Variants in C8orf34 observed in about 807,000 individuals in gnomAD.
C8orf34 encodes the protein uncharacterized protein C8orf34.
In C8orf34, 65 loss-of-function variants were observed where a neutral mutation model predicts 68.3. The ratio of observed to expected loss-of-function variants is 0.95; its 90% CI spans 0.78 to 1.17. The LOEUF (loss-of-function observed/expected upper bound fraction) is 1.17, where lower values mean the gene tolerates loss of function less well. Ranked by LOEUF, C8orf34 falls within the 50% of genes most tolerant of loss-of-function variation. The pLI is 0.00. For synonymous variants in C8orf34, 244 were observed against 241.2 expected (o/e 1.01, Z -0.11); for missense variants, 664 against 655.4 (o/e 1.01, Z -0.14).
rs1180674734 is a variant in C8orf34, at chr8:68,597,430, GT to G, written c.1106-42939del. The stretch of plus-strand genomic sequence containing the variant: ...CTTCTTAACAAAGGACCTCATCTGT[GT>G]TTTTTTAGAAAAGTGTTTAAATTAG... On this transcript the variant is annotated intron_variant, in intron 7 of 13. Coordinates refer to ENST00000518698, the MANE Select transcript of C8orf34 (RefSeq NM_052958.4). Among the ~76,000 whole-genome samples, 4 of 151,996 alleles carry G rather than the reference GT, an allele frequency of 2.6e-5. No individual in the cohort carries two copies. The South Asian group carries it at 6.2e-4, about 24-fold the overall frequency.
chr8:68,478,999 G>T (rs1305106564), intron 4 of C8orf34, among the ~76,000 whole-genome samples: 2 of 152,064 alleles, frequency 1.3e-5, no homozygotes, highest in East Asian at 3.9e-4. Context: ...GTGACTGGGG[G>T]CTTATTTTAT....
At chr8:68,738,348 G>T (rs958852925) in intron 10 of C8orf34, among the ~76,000 whole-genome samples, 2 of 151,978 alleles carry the variant, frequency 1.3e-5, no homozygotes, top group Non-Finnish European at 2.9e-5. Context: ...TGAAAAGTTA[G>T]AAAGATCTCA....
intron 4 of C8orf34, among the ~76,000 whole-genome samples, chr8:68,478,979 TTAG>T (rs1812741234): frequency 6.6e-6 from 1 of 152,200 alleles, no homozygotes; most frequent in Non-Finnish European, 1.5e-5. Flanking sequence ...GTTATTGTCA[TTAG>T]TTGTCTGTGA....
At position 68,555,428 on chromosome 8, in the gene C8orf34, A is replaced by G. The variant is rs1586367574; in HGVS notation, c.1105+22279A>G. Among the ~76,000 whole-genome samples the G allele has an allele frequency of 2.0e-5, 3 of 152,094 alleles. No individual in the cohort carries two copies. In the South Asian group the frequency reaches 6.2e-4, roughly 31 times the overall value. ...TTTATCTTTTACCCTGGTGAGATTC[A>G]TGCATTCTACTTACATTCTTTAACT... On this transcript the variant is annotated intron_variant, in intron 7 of 13. Coordinates refer to ENST00000518698, the MANE Select transcript of C8orf34 (RefSeq NM_052958.4).
chr8:68,743,098 G>T (rs572523471), intron 10 of C8orf34, among the ~76,000 whole-genome samples: 1 of 152,218 alleles, frequency 6.6e-6, no homozygotes, highest in South Asian at 2.1e-4. Context: ...TTGAATTTAA[G>T]TCCAGCTCTC....
intron 1 of C8orf34, among the ~76,000 whole-genome samples, chr8:68,332,351 T>TCCCGCATTGCCCCCGCCTTGCC (rs1805654250): frequency 9.4e-6 from 1 of 105,906 alleles, no homozygotes; most frequent in African/African-American, 3.8e-5. Flanking sequence ...GTCGAGGTGC[T>TCCCGCATTGCCCCCGCCTTGCC]CCCGCCTTGC....
intron 8 of C8orf34, among the ~76,000 whole-genome samples, chr8:68,677,860 G>A (rs1820240896): frequency 6.6e-6 from 1 of 152,148 alleles, no homozygotes; most frequent in African/African-American, 2.4e-5. Context: ...AACAAAAGGA[G>A]TGACAACCCA....
chr8:68,449,311 C>T (rs1811247089), intron 3 of C8orf34, among the ~76,000 whole-genome samples: 1 of 152,054 alleles, frequency 6.6e-6, no homozygotes, highest in Admixed American at 6.6e-5. Flanking sequence ...ATTAACCATC[C>T]TAAAATGTAC....
At chr8:68,706,276 C>A (rs891272357) in intron 8 of C8orf34, among the ~76,000 whole-genome samples, 2 of 152,132 alleles carry the variant, frequency 1.3e-5, no homozygotes, top group African/African-American at 4.8e-5. Context: ...GGAGCTGAGA[C>A]AATGAGTCCC....
chr8:68,794,223 G>A lies in C8orf34; in HGVS notation c.1549+6687G>A, dbSNP rs1824098001. ...GTCTCACTCTGTCACCCAGACTGGA[G>A]TGCAGGGGGGCAATCACAGCTCACT... On this transcript the variant is annotated intron_variant, in intron 12 of 13. Transcript: ENST00000518698. 4.0e-5 allele frequency among the ~76,000 whole-genome samples: 6 copies of A among 151,356 alleles called. No homozygotes were observed. In the South Asian group the frequency reaches 1.3e-3, roughly 32 times the overall value.
rs901854052 is a variant in C8orf34, at chr8:68,735,906, G to A, written c.1404+14469G>A. On this transcript the variant is annotated intron_variant, in intron 10 of 13. Coordinates refer to ENST00000518698, the MANE Select transcript of C8orf34 (RefSeq NM_052958.4). ...CCCAATTTAAATTCTGTCTTTGAAG[G>A]CTGATTCTAAAGAATGTAGTTCGTT... Among the ~76,000 whole-genome samples, 188 of 151,978 alleles carry A rather than the reference G, an allele frequency of 1.2e-3. 3 individuals are homozygous for A. Among genetic ancestry groups the A allele is most frequent in the Non-Finnish European group, 1.6e-4 (11 of 68,002 alleles).
At chr8:68,467,867 A>G (rs1308018215) in intron 3 of C8orf34, among the ~76,000 whole-genome samples, 3 of 151,848 alleles carry the variant, frequency 2.0e-5, no homozygotes, top group Non-Finnish European at 4.4e-5. Flanking sequence ...TTGATTTGCT[A>G]TTTTTGCCCC....
At chr8:68,458,249 C>T (rs930574422) in intron 3 of C8orf34, among the ~76,000 whole-genome samples, 4 of 152,128 alleles carry the variant, frequency 2.6e-5, no homozygotes, top group African/African-American at 9.7e-5. Flanking sequence ...ATATAATTTT[C>T]CCAAAACTCA....
intron 1 of C8orf34, among the ~76,000 whole-genome samples, chr8:68,416,134 T>C (rs950027822): frequency 2.6e-5 from 4 of 152,206 alleles, no homozygotes; most frequent in African/African-American, 9.6e-5. Context: ...TTTTATAGAC[T>C]TTGGGTTCTA....
At chr8:68,648,154 G>A (rs1027766804) in intron 8 of C8orf34, among the ~76,000 whole-genome samples, 2 of 152,118 alleles carry the variant, frequency 1.3e-5, no homozygotes, top group Non-Finnish European at 2.9e-5. Context: ...ACTTATAGAA[G>A]ATTCCACAAA....
intron 7 of C8orf34, among the ~76,000 whole-genome samples, chr8:68,634,186 A>G (rs915320451): frequency 6.6e-6 from 1 of 152,210 alleles, no homozygotes; most frequent in African/African-American, 2.4e-5. Flanking sequence ...GTCCTTGATG[A>G]TAAGAATGTT....
At chr8:68,365,154 G>A (rs1211215427) in intron 1 of C8orf34, among the ~76,000 whole-genome samples, 1 of 138,160 alleles carries the variant, frequency 7.2e-6, no homozygotes, top group Admixed American at 7.3e-5. Flanking sequence ...AGAAGAAATG[G>A]ATAAATTCCT....
intron 11 of C8orf34, among the ~76,000 whole-genome samples, chr8:68,777,667 T>G (rs1823560018): frequency 6.6e-6 from 1 of 152,188 alleles, no homozygotes; most frequent in Non-Finnish European, 1.5e-5. Context: ...ATATGCATCT[T>G]AAAAGTGCCA....
At chr8:68,806,939 C>A (rs977878014) in intron 12 of C8orf34, among the ~76,000 whole-genome samples, 4 of 152,186 alleles carry the variant, frequency 2.6e-5, no homozygotes, top group Non-Finnish European at 4.4e-5. Context: ...GCTGGAGATA[C>A]ACTTGCAAGA....
Sources: allele counts gnomAD v4.1 joint callset (sites outside exome capture counted in the v4.1 genomes callset), GRCh38; gene constraint gnomAD v4.1.1; transcripts MANE v1.5; gene names NCBI Gene and HGNC (gene_info 2026-07-23, HGNC 2026-07-21).